TNS3: variants seen among roughly 807,000 people sequenced by gnomAD.
The protein encoded by TNS3 is tensin 3, also known as tensin-3.
TNS3 carries 45 observed loss-of-function variants against 140.9 expected under a neutral mutation model. The ratio of observed to expected loss-of-function variants is 0.32; its 90% confidence interval spans 0.25 to 0.41. The LOEUF is 0.41. Among genes scored for constraint, TNS3 ranks in the 10% least tolerant of loss-of-function variants. The pLI is 1.00. For missense variants in TNS3, 1,716 were observed against 1,906.7 expected (o/e 0.90, Z 1.86); for synonymous variants, 815 against 788.4 (o/e 1.03, Z -0.56).
intron 8 of TNS3, among the ~76,000 whole-genome samples, chr7:47,434,701 A>C (rs573670504): frequency 1.3e-5 from 2 of 152,348 alleles, no homozygotes; most frequent in East Asian, 3.9e-4. Context: ...CAGGAGGAGG[A>C]GTGCCCACCA....
At chr7:47,413,061 C>A (rs1395356941) in intron 12 of TNS3, among the ~76,000 whole-genome samples, 1 of 151,384 alleles carries the variant, frequency 6.6e-6, no homozygotes, top group Non-Finnish European at 1.5e-5. Flanking sequence ...TCAAGCAATT[C>A]TCCTGCCTCA....
At chr7:47,418,710 G>C (rs536723172) in intron 10 of TNS3, among the ~76,000 whole-genome samples, 2 of 152,132 alleles carry the variant, frequency 1.3e-5, no homozygotes, top group Non-Finnish European at 2.9e-5. Context: ...GTAAGCAAAC[G>C]AACATAAAAG....
chr7:47,392,347 A>ACATCAAAGCCAGCGCTCCCCTACAG (rs1792571692), intron 16 of TNS3, among the ~76,000 whole-genome samples: 1 of 152,180 alleles, frequency 6.6e-6, no homozygotes, highest in Non-Finnish European at 1.5e-5. Context: ...TTGCGCTCAC[A>ACATCAAAGCCAGCGCTCCCCTACAG]CATCAAAGCC....
chr7:47,428,551 C>G (rs1051193336), intron 8 of TNS3, among the ~76,000 whole-genome samples, 175 bp from the exon 9 acceptor site: 2 of 152,210 alleles, frequency 1.3e-5, no homozygotes, highest in Non-Finnish European at 2.9e-5. Flanking sequence ...CAACTGGAGT[C>G]TCTGCAACAG....
Position 47,345,035 on chromosome 7 carries a change from T to C in TNS3, c.2455A>G (p.Met819Val). ...FPSPADVKET[M>V]TPGYPQDLDI... ...AGGTCCTGGGGATAGCCAGGGGTCA[T>C]CGTCTGAAATTGGCACAGGGAGTAG... The change falls in exon 19 of 31, where the codon ATG becomes GTG. Residue 819 changes from methionine to valine, a missense_variant. Met to Val is a conservative substitution (Grantham distance 21). Coordinates refer to ENST00000311160, the MANE Select transcript of TNS3 (RefSeq NM_022748.12). 2 of 1,613,346 alleles carry C rather than the reference T, an allele frequency of 1.2e-6. No individual in the cohort carries two copies. The highest frequency in any genetic ancestry group is 1.7e-6 in the Non-Finnish European group (2 of 1,179,692).
chr7:47,289,407 T>C (rs1785581982), intron 27 of TNS3, among the ~76,000 whole-genome samples: 1 of 152,216 alleles, frequency 6.6e-6, no homozygotes, highest in Admixed American at 6.5e-5. Flanking sequence ...CCTCTCTAGC[T>C]GTGTCCCTCC....
At chr7:47,572,527 G>A (rs565261369) in intron 1 of TNS3, among the ~76,000 whole-genome samples, 1 of 150,774 alleles carries the variant, frequency 6.6e-6, no homozygotes, top group Non-Finnish European at 1.5e-5. Flanking sequence ...GTATGCTCTC[G>A]ATGACCTATG....
intron 3 of TNS3, among the ~76,000 whole-genome samples, chr7:47,493,601 G>A (rs550228789): frequency 2.0e-4 from 31 of 151,290 alleles, no homozygotes; most frequent in East Asian, 3.9e-4. Flanking sequence ...GGTGGATCAC[G>A]AGGTCAGGAG....
At chr7:47,579,896 C>G (rs915650471) in intron 1 of TNS3, 9 of 978,484 alleles carry the variant, frequency 9.2e-6, no homozygotes, top group African/African-American at 1.8e-5. Context: ...GCAACACCTC[C>G]TGCAGTGGAA....
chr7:47,420,457 C>T (rs893620230), intron 10 of TNS3, among the ~76,000 whole-genome samples: 4 of 152,166 alleles, frequency 2.6e-5, no homozygotes, highest in African/African-American at 9.7e-5. Flanking sequence ...AGAGTATGAC[C>T]TTCTCAGGGT....
intron 1 of TNS3, among the ~76,000 whole-genome samples, chr7:47,533,103 T>TTATATATATATATATATATATA (rs1340588438): frequency 1.5e-3 from 27 of 18,584 alleles, no homozygotes; most frequent in African/African-American, 1.9e-3. Flanking sequence ...TTGTCAGATT[T>TTATATATATATATATATATATA]TATATATATA....
intron 4 of TNS3, among the ~76,000 whole-genome samples, chr7:47,445,276 C>T (rs1255443492): frequency 1.3e-5 from 2 of 152,170 alleles, no homozygotes; most frequent in African/African-American, 4.8e-5. Flanking sequence ...GCTTCCATAG[C>T]ACAACCCTGA....
chr7:47,489,940 C>G (rs1797750863), intron 3 of TNS3, among the ~76,000 whole-genome samples: 1 of 152,054 alleles, frequency 6.6e-6, no homozygotes, highest in South Asian at 2.1e-4. Context: ...GTCTACAGAC[C>G]CCTGAAGGCC....
At chr7:47,509,515 G>T (rs1349243947) in intron 2 of TNS3, among the ~76,000 whole-genome samples, 3 of 152,124 alleles carry the variant, frequency 2.0e-5, no homozygotes, top group African/African-American at 7.2e-5. Context: ...GGGAGGAACT[G>T]TAAGGGTGAC....
At chr7:47,520,796 G>C (rs754221765) in intron 2 of TNS3, among the ~76,000 whole-genome samples, 31 of 152,204 alleles carry the variant, frequency 2.0e-4, no homozygotes, top group Non-Finnish European at 4.4e-4. Flanking sequence ...TCTGGATGGG[G>C]CAAGTCTGAT....
intron 7 of TNS3, among the ~76,000 whole-genome samples, chr7:47,435,935 C>T (rs1320765186): frequency 1.3e-5 from 2 of 152,228 alleles, no homozygotes; most frequent in African/African-American, 4.8e-5. Context: ...GTGCTAAAGA[C>T]ACAGTGACTC....
chr7:47,293,457 T>G (rs1702049664), intron 25 of TNS3, among the ~76,000 whole-genome samples: 1 of 152,222 alleles, frequency 6.6e-6, no homozygotes, highest in Admixed American at 6.5e-5. Flanking sequence ...AGGACTTACC[T>G]GCCTGCCAAC....
chr7:47,283,633 GAAC>G (rs1785259191), intron 28 of TNS3, 61 bp downstream of exon 28: 2 of 1,438,544 alleles, frequency 1.4e-6, no homozygotes, highest in South Asian at 3.1e-5. Context: ...CACTAGGGAA[GAAC>G]AAGAGGAACG....
intron 16 of TNS3, among the ~76,000 whole-genome samples, chr7:47,393,938 C>T (rs1212645754): frequency 1.3e-5 from 2 of 152,036 alleles, no homozygotes; most frequent in Non-Finnish European, 2.9e-5. Flanking sequence ...CTTCTCTACT[C>T]GCCCCTAGAC....
Sources: gnomAD v4.1 joint callset for allele counts (sites outside exome capture counted in the v4.1 genomes callset) on GRCh38, gnomAD v4.1.1 for gene constraint, MANE v1.5 for transcripts, NCBI Gene and HGNC (gene_info 2026-07-23, HGNC 2026-07-21) for gene names.